The following PTPRS variants were observed in gnomAD, a reference collection of about 807,000 sequenced individuals.
PTPRS encodes receptor-type tyrosine-protein phosphatase S.
Under a neutral mutation model 215.3 loss-of-function variants are expected in PTPRS, and 63 were observed. The observed-to-expected ratio is 0.29, with a 90% CI of 0.24 to 0.36. PTPRS has a LOEUF of 0.36. Ranked by LOEUF, PTPRS falls within the 10% of genes least tolerant of loss-of-function variation. The probability of loss-of-function intolerance (pLI) is 1.00; values close to 1 mark genes in which losing one functional copy is unlikely to be tolerated. For missense variants in PTPRS, 2,258 were observed against 2,825.8 expected (o/e 0.80, Z 4.56); for synonymous variants, 1,404 against 1,191.4 (o/e 1.18, Z -3.68).
chr19:5,332,996 G>C (rs376228075), intron 1 of PTPRS, among the ~76,000 whole-genome samples: 1 of 150,048 alleles, frequency 6.7e-6, no homozygotes, highest in Non-Finnish European at 1.5e-5. Context: ...CAAAAATACA[G>C]AAATTAGCCA....
At chr19:5,249,688 C>T (rs1345216240) in intron 9 of PTPRS, among the ~76,000 whole-genome samples, 1 of 152,220 alleles carries the variant, frequency 6.6e-6, no homozygotes, top group East Asian at 1.9e-4. Context: ...TCACCTATAC[C>T]AAACTCCATG....
intron 1 of PTPRS, among the ~76,000 whole-genome samples, chr19:5,318,951 T>G (rs1156280006): frequency 6.6e-6 from 1 of 152,188 alleles, no homozygotes; most frequent in East Asian, 1.9e-4. Context: ...TAACAGACAG[T>G]GAGTCCCTGG....
chr19:5,270,414 C>T (rs2046810280), intron 4 of PTPRS, among the ~76,000 whole-genome samples: 2 of 151,818 alleles, frequency 1.3e-5, no homozygotes, highest in Admixed American at 1.3e-4. Context: ...CCTCAGCCTC[C>T]TAAGTACTTG....
rs2044292709 is a variant in PTPRS at position 5,244,347 on chromosome 19, G to A, written c.1124C>T (p.Pro375Leu). The A allele has an allele frequency of 2.5e-6, 4 of 1,614,184 alleles. No individual in the cohort carries two copies. Among genetic ancestry groups the A allele is most frequent in the African/African-American group, 1.3e-5 (1 of 75,046 alleles). The change falls in exon 11 of 38, where the codon CCG becomes CTG. Residue 375 changes from proline (P) to leucine (L), a missense_variant. Around this residue, in one of 6 missense-constraint regions of PTPRS, gnomAD observed 508 missense variants for 799.4 expected, o/e 0.64. Transcript: ENST00000262963. The surrounding 1 kb of genome is among the most constrained non-coding windows in gnomAD (Gnocchi z 7.2). ...GGTGATGTCCTCTTTAATCTGATAC[G>A]GCCCGTCTTGGCTCTTGGATTTATA... ...IEYKSKSQDG[P>L]YQIKEDITTT...
At chr19:5,277,655 C>CAAAA in intron 2 of PTPRS, 1 of 379,716 alleles carries the variant, frequency 2.6e-6, no homozygotes, top group Non-Finnish European at 4.8e-6. Flanking sequence ...GACTCCATCT[C>CAAAA]AAAAAAAAAA....
chr19:5,206,469 AGCACTCCTATTT>A lies in PTPRS; in HGVS notation c.*293_*304del. On this transcript the variant is annotated 3_prime_UTR_variant, in exon 38 of 38. Transcript: ENST00000262963. The stretch of plus-strand genomic sequence containing the variant: ...GCCCCACCCTCCTCTGGTTCTGGGG[AGCACTCCTATTT>A]GCTCACCATCCCCCCACCCCCCACC... 1 of 400,108 alleles carries A rather than the reference AGCACTCCTATTT, an allele frequency of 2.5e-6. No homozygotes were observed. Among genetic ancestry groups the A allele is most frequent in the Non-Finnish European group, 4.7e-6 (1 of 213,812 alleles). 24.8% of individuals were successfully genotyped at this position (400,108 alleles called of 1,614,324 possible). A position where few individuals can be genotyped will look rare whatever the true frequency, so the allele number is the denominator to read the frequency against.
At chr19:5,320,758 T>C (rs918633704) in intron 1 of PTPRS, among the ~76,000 whole-genome samples, 1 of 151,972 alleles carries the variant, frequency 6.6e-6, no homozygotes, top group Non-Finnish European at 1.5e-5. Flanking sequence ...ACTGTCCTCA[T>C]GCTGAGCCCA....
In PTPRS at chr19:5,282,122, ACTT is replaced by A. The variant is rs2047904250; in HGVS notation, c.91+3925_91+3927del. ...CAGCCTTGGTTCCCTGGGACCTCAG[ACTT>A]CTTCTCGGTGTGTGGTGACCCTTGA... On this transcript the variant is annotated intron_variant, in intron 2 of 37. Transcript: ENST00000262963. Among the ~76,000 whole-genome samples, 3 of 150,498 alleles carry A rather than the reference ACTT, an allele frequency of 2.0e-5. No individual in the cohort carries two copies. In the South Asian group the frequency reaches 6.3e-4, roughly 32 times the overall value.
intron 4 of PTPRS, among the ~76,000 whole-genome samples, chr19:5,266,615 G>T (rs989565175): frequency 4.6e-5 from 7 of 151,886 alleles, no homozygotes; most frequent in Non-Finnish European, 8.8e-5. Context: ...TCCACCTGCC[G>T]TGGCCTCCCA....
intron 9 of PTPRS, among the ~76,000 whole-genome samples, chr19:5,255,243 C>T (rs1026912399): frequency 1.3e-5 from 2 of 152,330 alleles, no homozygotes; most frequent in East Asian, 3.9e-4. Context: ...TCTCTCCACA[C>T]ACCCCACCCA....
At chr19:5,332,073 G>C (rs998178549) in intron 1 of PTPRS, among the ~76,000 whole-genome samples, 2 of 152,070 alleles carry the variant, frequency 1.3e-5, no homozygotes, top group Non-Finnish European at 2.9e-5. Context: ...GGTGGCCCTG[G>C]ATTTCTGTAC....
chr19:5,222,053 G>T, intron 19 of PTPRS, 70 bp downstream of exon 19: 1 of 1,293,790 alleles, frequency 7.7e-7, no homozygotes. Flanking sequence ...TCCAAACTGA[G>T]CCTTAAGCCC....
At chr19:5,286,552 C>T (rs1296732314) in intron 1 of PTPRS, among the ~76,000 whole-genome samples, 2 of 152,140 alleles carry the variant, frequency 1.3e-5, no homozygotes, top group South Asian at 2.1e-4. Flanking sequence ...CATAAAGGAT[C>T]TCCCAGAAAG....
At position 5,237,455 on chromosome 19, in the gene PTPRS, T is replaced by A. The variant is rs2043561227; in HGVS notation, c.1849+1464A>T. 6.6e-6 allele frequency among the ~76,000 whole-genome samples: 1 copy of A among 152,168 alleles called. No individual in the cohort carries two copies. Among genetic ancestry groups the A allele is most frequent in the Non-Finnish European group, 1.5e-5 (1 of 68,024 alleles). ...CGAAGCCGCTTTCTAGGTGACCGTG[T>A]AGGTCACGTCCTTCACAATCCGGCC... On this transcript the variant is annotated intron_variant, in intron 13 of 37. Transcript: ENST00000262963. This position sits in a 1 kb window ranked among gnomAD's most constrained non-coding sequence, Gnocchi z 4.2.
chr19:5,281,082 G>A (rs886817257), intron 2 of PTPRS, among the ~76,000 whole-genome samples: 2 of 151,604 alleles, frequency 1.3e-5, no homozygotes, highest in Non-Finnish European at 2.9e-5. Flanking sequence ...ATGAGGCGCC[G>A]CGCCTGGCCC....
At chr19:5,282,539 A>G (rs1366183947) in intron 2 of PTPRS, among the ~76,000 whole-genome samples, 5 of 152,298 alleles carry the variant, frequency 3.3e-5, no homozygotes, top group African/African-American at 1.2e-4. Context: ...GCAGAGGCTC[A>G]CACCTATAAT....
intron 1 of PTPRS, among the ~76,000 whole-genome samples, chr19:5,321,478 G>C (rs942702241): frequency 2.4e-4 from 36 of 152,176 alleles, no homozygotes; most frequent in African/African-American, 7.7e-4. Context: ...CCTAGAAGTG[G>C]CAGGCTCAGA....
chr19:5,288,032 C>T (rs1027918243), intron 1 of PTPRS, among the ~76,000 whole-genome samples: 14 of 151,086 alleles, frequency 9.3e-5, no homozygotes, highest in African/African-American at 3.4e-4. Context: ...AAAACTTGCA[C>T]ATAGTCAGAC....
chr19:5,210,384 G>A lies in PTPRS; in HGVS notation c.5487+85C>T. ...TCCCAATGCTTATGCCTAACCCTTGGCCTTTGTATCCATCACCAACCAGGG... is the reference window on the plus strand; with the variant it reads ...TCCCAATGCTTATGCCTAACCCTTGACCTTTGTATCCATCACCAACCAGGG... On this transcript the variant is annotated intron_variant, in intron 35 of 37. Coordinates refer to ENST00000262963, the MANE Select transcript of PTPRS (RefSeq NM_002850.4). This position sits in a 1 kb window ranked among gnomAD's most constrained non-coding sequence, Gnocchi z 4.5. 1 of 1,579,378 alleles carries A rather than the reference G, an allele frequency of 6.3e-7. No individual in the cohort carries two copies. The highest frequency in any genetic ancestry group is 2.2e-5 in the East Asian group (1 of 44,548).
Sources: allele counts gnomAD v4.1 joint callset (sites outside exome capture counted in the v4.1 genomes callset), GRCh38; gene constraint gnomAD v4.1.1; regional missense constraint gnomAD v4.1.1; non-coding constraint Gnocchi (gnomAD v3.1); transcripts MANE v1.5; gene names NCBI Gene and HGNC (gene_info 2026-07-23, HGNC 2026-07-21).